The following KLRG1 variants were observed in gnomAD, a reference collection of about 807,000 sequenced individuals.
KLRG1 encodes killer cell lectin like receptor G1, also known as killer cell lectin-like receptor subfamily G member 1.
KLRG1 carries 16 observed loss-of-function variants against 21.8 expected under a neutral mutation model. The observed-to-expected ratio is 0.73, with a 90% CI of 0.50 to 1.11. The LOEUF (loss-of-function observed/expected upper bound fraction) is 1.11, where lower values mean the gene tolerates loss of function less well. Among genes scored for constraint, KLRG1 ranks in the 50% most tolerant of loss-of-function variants. The pLI is 0.00. For missense variants in KLRG1, 173 were observed against 218.3 expected (o/e 0.79, Z 1.31); for synonymous variants, 69 against 75.9 (o/e 0.91, Z 0.47).
At chr12:9,182,547 T>C in the KLRG1 span, among the ~76,000 whole-genome samples, 2 of 152,214 alleles carry the variant, frequency 1.3e-5, no homozygotes, top group Non-Finnish European at 2.9e-5. Context: ...AAGCTCTGTA[T>C]GTAAAAAAAA....
chr12:9,189,585 A>C, the KLRG1 span, among the ~76,000 whole-genome samples: 1 of 152,224 alleles, frequency 6.6e-6, no homozygotes, highest in Non-Finnish European at 1.5e-5. Flanking sequence ...GGAACTGCAA[A>C]GATTTCATGA....
chr12:9,140,063 G>A, the KLRG1 span, among the ~76,000 whole-genome samples: 1 of 152,142 alleles, frequency 6.6e-6, no homozygotes, highest in East Asian at 1.9e-4. Flanking sequence ...GGCTGGGGAG[G>A]GGTTTATTTT....
chr12:9,120,886 T>TGTGTGTGTGTGTGTGTGTGTG, the KLRG1 span, among the ~76,000 whole-genome samples: 1 of 147,962 alleles, frequency 6.8e-6, no homozygotes, highest in African/African-American at 2.5e-5. Context: ...TGTGTGTGTA[T>TGTGTGTGTGTGTGTGTGTGTG]TTTTTTTTTT....
chr12:9,135,826 A>C, the KLRG1 span, among the ~76,000 whole-genome samples: 1 of 152,210 alleles, frequency 6.6e-6, no homozygotes, highest in Admixed American at 6.5e-5. Context: ...TAGGGAGTGA[A>C]GTCCTAGAGT....
At chr12:8,956,558 G>T (rs1248167079) in intron 1 of KLRG1, among the ~76,000 whole-genome samples, 1 of 152,012 alleles carries the variant, frequency 6.6e-6, no homozygotes, top group African/African-American at 2.4e-5. Flanking sequence ...TGATTCTCCT[G>T]CCTCAGCCTC....
the KLRG1 span, among the ~76,000 whole-genome samples, chr12:9,161,839 AAC>A: frequency 7.2e-5 from 11 of 152,332 alleles, no homozygotes; most frequent in African/African-American, 2.6e-4. Flanking sequence ...CTACACGGAA[AAC>A]ACACATTTTT....
intron 1 of KLRG1, among the ~76,000 whole-genome samples, chr12:8,968,177 C>T (rs1201966774): frequency 6.6e-6 from 1 of 151,896 alleles, no homozygotes; most frequent in African/African-American, 2.4e-5. Context: ...GGCCAAAATT[C>T]TCCAATTAAA....
At chr12:9,002,878 T>C (rs1233671737) in intron 3 of KLRG1, among the ~76,000 whole-genome samples, 1 of 150,746 alleles carries the variant, frequency 6.6e-6, no homozygotes, top group Non-Finnish European at 1.5e-5. Flanking sequence ...ATTTGTACTT[T>C]CATGCTGCTT....
At chr12:8,970,266 T>G (rs1946544524) in intron 1 of KLRG1, among the ~76,000 whole-genome samples, 1 of 152,226 alleles carries the variant, frequency 6.6e-6, no homozygotes, top group Non-Finnish European at 1.5e-5. Context: ...TATGGCTGCT[T>G]TTGTACTATA....
intron 1 of KLRG1, among the ~76,000 whole-genome samples, chr12:8,964,456 C>G (rs1032651984): frequency 1.3e-5 from 2 of 152,158 alleles, no homozygotes; most frequent in African/African-American, 2.4e-5. Context: ...TTACTTCCAA[C>G]TATGTGGTCA....
chr12:8,960,221 G>C (rs977246858), intron 1 of KLRG1, among the ~76,000 whole-genome samples: 1 of 152,178 alleles, frequency 6.6e-6, no homozygotes, highest in Non-Finnish European at 1.5e-5. Context: ...AACCCAGACA[G>C]AGCCTGCCAG....
At chr12:9,147,082 G>T in the KLRG1 span, among the ~76,000 whole-genome samples, 1 of 152,166 alleles carries the variant, frequency 6.6e-6, no homozygotes, top group African/African-American at 2.4e-5. Flanking sequence ...GACTGGCAAG[G>T]CAGATGTCAG....
At chr12:9,077,300 T>A in the KLRG1 span, 1 of 1,540,354 alleles carries the variant, frequency 6.5e-7, no homozygotes, top group Non-Finnish European at 8.9e-7. Context: ...AGCAGTTTCA[T>A]TGCATCCAGA....
the KLRG1 span, among the ~76,000 whole-genome samples, chr12:9,070,896 C>T: frequency 1.3e-5 from 2 of 151,600 alleles, no homozygotes; most frequent in African/African-American, 2.4e-5. Context: ...TTTCGGCTCA[C>T]CGCAACCTCC....
chr12:8,995,084 CA>C (rs1426435325), intron 2 of KLRG1, 34 bp from the exon 3 acceptor site: 1 of 1,533,888 alleles, frequency 6.5e-7, no homozygotes, highest in Non-Finnish European at 8.7e-7. Flanking sequence ...CTGAGTGGTC[CA>C]TAAAGATGTG....
chr12:9,027,019 CT>C, the KLRG1 span, among the ~76,000 whole-genome samples: 153 of 141,800 alleles, frequency 1.1e-3, no homozygotes, highest in Admixed American at 1.3e-3. Flanking sequence ...CTGTGGCTGG[CT>C]TTTTTTTTTT....
At chr12:9,163,981 T>G in the KLRG1 span, 1 of 1,212,510 alleles carries the variant, frequency 8.2e-7, no homozygotes, top group Non-Finnish European at 1.1e-6. Context: ...GTGAGAACAG[T>G]GGGAGGAGGT....
the KLRG1 span, chr12:9,112,317 C>T: frequency 2.1e-5 from 33 of 1,596,776 alleles, no homozygotes; most frequent in Admixed American, 5.4e-4. Flanking sequence ...GCCTGGGGAA[C>T]ATCCAGGGGA....
upstream of KLRG1, among the ~76,000 whole-genome samples, chr12:8,988,085 C>T (rs769338778): frequency 6.0e-4 from 91 of 152,272 alleles, no homozygotes; most frequent in Non-Finnish European, 1.1e-3. Flanking sequence ...CCTATGTCTG[C>T]GCAGCCTAGA....
Sources: gnomAD v4.1 joint callset for allele counts (sites outside exome capture counted in the v4.1 genomes callset) on GRCh38, gnomAD v4.1.1 for gene constraint, MANE v1.5 for transcripts, NCBI Gene and HGNC (gene_info 2026-07-23, HGNC 2026-07-21) for gene names.